PRSS23: variants seen among roughly 807,000 people sequenced by gnomAD.
PRSS23 encodes serine protease 23.
PRSS23 carries 25 observed loss-of-function variants against 34.7 expected under a neutral mutation model. The ratio of observed to expected loss-of-function variants is 0.72; its 90% CI spans 0.53 to 1.01. The LOEUF (loss-of-function observed/expected upper bound fraction) is 1.01. Ranked by LOEUF, PRSS23 falls within the 50% of genes least tolerant of loss-of-function variation. The pLI is 0.00. For missense variants in PRSS23, 445 were observed against 475.6 expected (o/e 0.94, Z 0.60); for synonymous variants, 176 against 186.6 (o/e 0.94, Z 0.46).
chr11:86,920,012 G>A (rs936043188), intron 2 of PRSS23, among the ~76,000 whole-genome samples: 1 of 152,132 alleles, frequency 6.6e-6, no homozygotes, highest in African/African-American at 2.4e-5. Flanking sequence ...GACTGCAGAC[G>A]CCAGCGTGAA....
intron 2 of PRSS23, among the ~76,000 whole-genome samples, chr11:86,886,701 G>T (rs1287774835): frequency 1.3e-5 from 2 of 152,172 alleles, no homozygotes; most frequent in African/African-American, 4.8e-5. Flanking sequence ...TACTTTGGGA[G>T]GCCGAGGTGG....
chr11:86,839,340 A>G (rs1318254637), intron 2 of PRSS23, among the ~76,000 whole-genome samples: 4 of 151,312 alleles, frequency 2.6e-5, no homozygotes, highest in Non-Finnish European at 4.4e-5. Flanking sequence ...GGAGAACTTC[A>G]TGATGCATGC....
chr11:86,908,243 G>A (rs962144584), intron 2 of PRSS23, among the ~76,000 whole-genome samples: 1 of 149,918 alleles, frequency 6.7e-6, no homozygotes, highest in Non-Finnish European at 1.5e-5. Flanking sequence ...TGGATCACAT[G>A]GTAATTCTAT....
chr11:86,866,540 A>G (rs150030469), intron 2 of PRSS23, among the ~76,000 whole-genome samples: 150 of 152,330 alleles, frequency 9.8e-4, no homozygotes, highest in African/African-American at 3.4e-3. Flanking sequence ...TCAAGTCAGC[A>G]TTCATTGAAC....
intron 2 of PRSS23, among the ~76,000 whole-genome samples, chr11:86,944,402 G>A (rs1350807635): frequency 1.7e-4 from 26 of 151,906 alleles, no homozygotes; most frequent in Admixed American, 1.7e-3. Flanking sequence ...AAGATTAGAG[G>A]GACACCATGC....
chr11:86,925,350 T>C lies in PRSS23; in HGVS notation c.207-25866T>C, dbSNP rs140206890. The stretch of plus-strand genomic sequence containing the variant: ...TGTGTGTCGTTTACATTTATATGCA[T>C]GCCCTAGTCTGGTCCGATTGATAAG... On this transcript the variant is annotated intron_variant, in intron 2 of 2. Coordinates refer to the PRSS23 transcript ENST00000533902. Among the ~76,000 whole-genome samples, 149 of 151,790 alleles carry C rather than the reference T, an allele frequency of 9.8e-4. 1 individual carries two copies. In the East Asian group the frequency reaches 0.027, roughly 28 times the overall value.
chr11:86,841,088 C>T (rs1261812485), intron 2 of PRSS23, among the ~76,000 whole-genome samples: 1 of 151,914 alleles, frequency 6.6e-6, no homozygotes, highest in Admixed American at 6.6e-5. Context: ...ACCTGTAATC[C>T]CAGCATTTTG....
intron 2 of PRSS23, among the ~76,000 whole-genome samples, chr11:86,865,585 C>G (rs1231596768): frequency 6.6e-6 from 1 of 152,190 alleles, no homozygotes; most frequent in Admixed American, 6.5e-5. Context: ...AGAAAGCAAG[C>G]TGTTGTACAA....
At chr11:86,846,798 C>G (rs1948489564) in intron 2 of PRSS23, among the ~76,000 whole-genome samples, 1 of 152,180 alleles carries the variant, frequency 6.6e-6, no homozygotes, top group Non-Finnish European at 1.5e-5. Context: ...ATGGTGCCCT[C>G]TAGGGTTCAG....
chr11:86,921,155 CA>C (rs1411436101), intron 2 of PRSS23: 1 of 152,052 alleles, frequency 6.6e-6, no homozygotes, highest in Non-Finnish European at 1.5e-5. Flanking sequence ...TGTCATGTAC[CA>C]GCTCCTAAAT....
intron 2 of PRSS23, among the ~76,000 whole-genome samples, chr11:86,899,131 T>C (rs1273439791): frequency 6.6e-6 from 1 of 152,130 alleles, no homozygotes. Flanking sequence ...CTGGCCAGCA[T>C]GCATTCCTGT....
intron 2 of PRSS23, among the ~76,000 whole-genome samples, chr11:86,892,625 C>T (rs1948849252): frequency 6.6e-6 from 1 of 152,154 alleles, no homozygotes; most frequent in Non-Finnish European, 1.5e-5. Context: ...GTGTGATAAT[C>T]TTTAAAACTG....
chr11:86,880,502 A>G lies in PRSS23; in HGVS notation c.206+56909A>G, dbSNP rs527339472. Among the ~76,000 whole-genome samples the G allele has an allele frequency of 1.7e-3, 259 of 152,260 alleles. 1 individual carries two copies. The highest frequency in any genetic ancestry group is 3.3e-3 in the Admixed American group (51 of 15,300). ...AAAAAATACACTTGACTTTTTTTTA[A>G]CTTTAAGTTCCTGGATATATGTGCA... is the stretch of plus-strand genomic sequence containing the variant. On this transcript the variant is annotated intron_variant, in intron 2 of 2. Transcript: ENST00000533902.
rs1472416149 is a variant in PRSS23 at position 86,809,153 on chromosome 11, A to G, written c.*358A>G. The G allele has an allele frequency of 1.0e-5, 2 of 192,714 alleles. No homozygotes were observed. The highest frequency in any genetic ancestry group is 1.2e-5 in the Non-Finnish European group (1 of 85,746). 11.9% of individuals were successfully genotyped at this position (192,714 alleles called of 1,614,324 possible). ...AACTTGTTTCAAAGATTTATATTAA[A>G]TATTTGGCATACAAGAGATATGAAT... On this transcript the variant is annotated 3_prime_UTR_variant, in exon 2 of 2. Transcript: ENST00000280258.
In PRSS23 at chr11:86,834,920, C is replaced by A. The variant is rs192832924; in HGVS notation, c.206+11327C>A. Among the ~76,000 whole-genome samples, 5 of 152,302 alleles carry A rather than the reference C, an allele frequency of 3.3e-5. No homozygotes were observed. The East Asian group carries it at 7.7e-4, about 24-fold the overall frequency. ...CCATTATCACTGACCACTGCATACC[C>A]CGCTTTTCGAAGTCCTTTTCCTACA... On this transcript the variant is annotated intron_variant, in intron 2 of 2. Transcript: ENST00000533902.
intron 2 of PRSS23, among the ~76,000 whole-genome samples, chr11:86,885,470 G>T (rs1237700421): frequency 6.6e-6 from 1 of 152,184 alleles, no homozygotes; most frequent in Non-Finnish European, 1.5e-5. Context: ...TTCTATGAGG[G>T]TATTTGGATG....
chr11:86,815,040 C>T (rs4423210), downstream of PRSS23, among the ~76,000 whole-genome samples: 20,718 of 152,166 alleles, frequency 0.14, 1,880 homozygotes, highest in East Asian at 0.42. Context: ...CTTTGAGAAG[C>T]GTCAAGTTCC....
intron 2 of PRSS23, among the ~76,000 whole-genome samples, chr11:86,882,120 T>C (rs1045015097): frequency 1.3e-5 from 2 of 152,236 alleles, no homozygotes; most frequent in African/African-American, 4.8e-5. Flanking sequence ...CCAATATTTA[T>C]TATTTACTTA....
chr11:86,944,094 T>A (rs1949224314), intron 2 of PRSS23, among the ~76,000 whole-genome samples: 1 of 151,952 alleles, frequency 6.6e-6, no homozygotes, highest in Admixed American at 6.6e-5. Context: ...AGATCAAGGT[T>A]GTGTTCTCCT....
Sources: allele counts gnomAD v4.1 joint callset (sites outside exome capture counted in the v4.1 genomes callset), GRCh38; gene constraint gnomAD v4.1.1; transcripts MANE v1.5; gene names NCBI Gene and HGNC (gene_info 2026-07-23, HGNC 2026-07-21).